SMC4: variants seen among roughly 807,000 people sequenced by gnomAD.
The protein encoded by SMC4 is structural maintenance of chromosomes protein 4.
SMC4 carries 87 observed loss-of-function variants against 145.6 expected under a neutral mutation model. The observed-to-expected ratio is 0.60, with a 90% CI of 0.50 to 0.71. The LOEUF (loss-of-function observed/expected upper bound fraction) is 0.71, where lower values mean the gene tolerates loss of function less well. Ranked by LOEUF, SMC4 falls within the 30% of genes least tolerant of loss-of-function variation. The pLI, the probability that SMC4 is intolerant of heterozygous loss-of-function variation, is 0.00. For synonymous variants in SMC4, 558 were observed against 500.7 expected (o/e 1.11, Z -1.53); for missense variants, 1,447 against 1,537.1 (o/e 0.94, Z 0.98).
chr3:160,421,482 A>G lies in SMC4; in HGVS notation c.2019+581A>G, dbSNP rs1368010565. On this transcript the variant is annotated intron_variant, in intron 13 of 23. Transcript: ENST00000357388. ...CATTTTAGGCCAGGTGCGGTGGCTCATGCCTGTAATCCCAGCACTTTGGGA... is the reference window on the plus strand; with the variant it reads ...CATTTTAGGCCAGGTGCGGTGGCTCGTGCCTGTAATCCCAGCACTTTGGGA... Among the ~76,000 whole-genome samples, 3 of 152,218 alleles carry G rather than the reference A, an allele frequency of 2.0e-5. No homozygotes were observed. The East Asian group carries it at 5.8e-4, about 30-fold the overall frequency.
intron 5 of SMC4, 47 bp from the exon 6 acceptor site, chr3:160,411,873 T>A (rs1716024253): frequency 6.6e-7 from 1 of 1,516,358 alleles, no homozygotes; most frequent in Admixed American, 1.8e-5. Flanking sequence ...TAAGATTGAT[T>A]TAGCTAAACA....
rs138672467 is a variant in SMC4 at position 160,401,995 on chromosome 3, A to G, written c.220A>G (p.Thr74Ala). Residue 74 changes from threonine to alanine, a missense_variant, in exon 3 of 24, where the codon ACC becomes GCC. Coordinates refer to ENST00000357388, the MANE Select transcript of SMC4 (RefSeq NM_001002800.3). ...SIPPPPPPAM[T>A]NEAGAPRLMI... ...TCCTCCTCCCCCGCCTCCAGCAATG[A>G]CCAATGAAGCTGGAGCTCCTCGGCT... is the stretch of plus-strand genomic sequence containing the variant. 1.9e-4 allele frequency: 297 copies of G among 1,605,294 alleles called. 1 individual carries two copies. Among genetic ancestry groups the G allele is most frequent in the South Asian group, 8.1e-4 (72 of 89,428 alleles).
intron 1 of SMC4, chr3:160,400,044 C>G (rs528484677): frequency 6.6e-6 from 1 of 152,518 alleles, no homozygotes; most frequent in East Asian, 1.9e-4. Flanking sequence ...AAGGGCGTCT[C>G]CCCCTACCCC....
chr3:160,430,586 T>C lies in SMC4; in HGVS notation c.2796-13T>C. 1 of 1,548,674 alleles carries C rather than the reference T, an allele frequency of 6.5e-7. No homozygotes were observed. Among genetic ancestry groups the C allele is most frequent in the Non-Finnish European group, 8.7e-7 (1 of 1,150,384 alleles). On this transcript the variant is annotated splice_polypyrimidine_tract_variant and intron_variant, in intron 18 of 23. Coordinates refer to ENST00000357388, the MANE Select transcript of SMC4 (RefSeq NM_001002800.3). ...CCTTACCACATTTTTGATGCATCAT[T>C]TTGCTTCTTTAGAAACCTTCAAAAG...
chr3:160,400,655 C>T (rs1288434606), intron 1 of SMC4, 167 bp from the exon 2 acceptor site: 2 of 810,374 alleles, frequency 2.5e-6, no homozygotes, highest in Middle Eastern at 3.6e-4. Flanking sequence ...GTCCTGCCTT[C>T]TTGCCACTCG....
intron 19 of SMC4, 129 bp downstream of exon 19, chr3:160,430,872 A>T: frequency 8.0e-7 from 1 of 1,247,070 alleles, no homozygotes; most frequent in South Asian, 1.6e-5. Context: ...ATCAATTTTT[A>T]TTTGTACAAT....
Position 160,421,710 on chromosome 3 carries a change from C to G in SMC4, c.2019+809C>G, listed in dbSNP as rs145132815. 6.9e-3 allele frequency among the ~76,000 whole-genome samples: 1,055 copies of G among 152,322 alleles called. 2 individuals are homozygous for G. The highest frequency in any genetic ancestry group is 0.013 in the Non-Finnish European group (858 of 68,022). ...AGTGAACCTAGATTGCGCCACTGCA[C>G]TCCAGTCTGGGTGACAGAGTGAGAC... On this transcript the variant is annotated intron_variant, in intron 13 of 23. Coordinates refer to ENST00000357388, the MANE Select transcript of SMC4 (RefSeq NM_001002800.3).
At chr3:160,400,416 G>C (rs970057289) in intron 1 of SMC4, 2 of 155,736 alleles carry the variant, frequency 1.3e-5, no homozygotes, top group Non-Finnish European at 2.8e-5. Flanking sequence ...TCTCCACGTC[G>C]GTGCGCGCTT....
intron 13 of SMC4, among the ~76,000 whole-genome samples, chr3:160,422,467 G>A (rs1717285370): frequency 6.6e-6 from 1 of 152,146 alleles, no homozygotes; most frequent in Non-Finnish European, 1.5e-5. Flanking sequence ...GTCCTTTCAT[G>A]TCCTTGGCCA....
rs778886718 is a variant in SMC4, at chr3:160,432,378, G to C, written c.3393G>C (p.Arg1131Ser). Residue 1131 changes from arginine (R) to serine (S), a missense_variant, in exon 22 of 24, where the codon AGG (arginine) becomes AGC (serine). Coordinates refer to ENST00000357388, the MANE Select transcript of SMC4 (RefSeq NM_001002800.3). ...CATATGAAGATCTTCGGAAACAAAG[G>C]CTTAATGAATTTATGGCAGGTTTTT... is the stretch of plus-strand genomic sequence containing the variant. ...RQAYEDLRKQ[R>S]LNEFMAGFYI... The C allele has an allele frequency of 1.5e-5, 25 of 1,613,614 alleles. No homozygotes were observed. Among genetic ancestry groups the C allele is most frequent in the Non-Finnish European group, 2.1e-5 (25 of 1,179,726 alleles).
rs778663691 is a variant in SMC4, at chr3:160,417,742, T to C, written c.1457T>C (p.Met486Thr). The C allele has an allele frequency of 2.4e-5, 38 of 1,611,798 alleles. No homozygotes were observed. The highest frequency in any genetic ancestry group is 4.5e-5 in the East Asian group (2 of 44,856). Reference protein sequence around the residue: ...KEKESREKELMGFSKSVNEAR... With the variant: ...KEKESREKELTGFSKSVNEAR... ...TAACAGAGTCGAGAGAAAGAACTTA[T>C]GGGTTTCAGCAAATCGGTAAATGAA... The change falls in exon 11 of 24, where the codon ATG (methionine) becomes ACG (threonine). Residue 486 changes from methionine (M) to threonine (T), a missense_variant. Transcript: ENST00000357388.
chr3:160,408,327 TGTATTTCA>T (rs1462046291), intron 5 of SMC4, among the ~76,000 whole-genome samples: 1 of 152,226 alleles, frequency 6.6e-6, no homozygotes, highest in Non-Finnish European at 1.5e-5. Flanking sequence ...ATTTCTAAGC[TGTATTTCA>T]GTAAATTGAT....
Position 160,426,155 on chromosome 3 carries a change from A to G in SMC4, c.2560A>G (p.Lys854Glu), listed in dbSNP as rs138000709. The change falls in exon 17 of 24, where the codon AAA becomes GAA. Residue 854 changes from lysine to glutamate, a missense_variant. Transcript: ENST00000357388. ...ANVLATAPDK[K>E]KQKLLEENVS... ...TGTACTTGCTACAGCCCCTGACAAA[A>G]AAAAGCAGAAATTGCTAGAAGAAAA... is the stretch of plus-strand genomic sequence containing the variant. 1.2e-3 allele frequency: 2,000 copies of G among 1,611,122 alleles called. 38 individuals are homozygous for G. In the East Asian group the frequency reaches 0.038, roughly 30 times the overall value.
intron 5 of SMC4, among the ~76,000 whole-genome samples, chr3:160,410,780 T>C (rs543291647): frequency 1.3e-5 from 2 of 152,344 alleles, no homozygotes; most frequent in East Asian, 3.9e-4. Flanking sequence ...CTCTCATTAG[T>C]AAGTTTTACC....
chr3:160,402,725 T>C lies in SMC4; in HGVS notation c.368T>C (p.Ile123Thr), dbSNP rs771547168. 4.3e-6 allele frequency: 7 copies of C among 1,611,646 alleles called. No individual in the cohort carries two copies. Among genetic ancestry groups the C allele is most frequent in the Admixed American group, 3.4e-5 (2 of 59,458 alleles). ...AATGGCAGTGGCAAATCCAATGTTA[T>C]TGATTCTATGCTTTTTGTGTTTGGC... ...GPNGSGKSNV[I>T]DSMLFVFGYR... Residue 123 changes from isoleucine to threonine, a missense_variant, in exon 4 of 24, where the codon ATT becomes ACT. By Grantham distance (89) the Ile-to-Thr change is moderately conservative. Transcript: ENST00000357388.
rs551327223 is a variant in SMC4, at chr3:160,430,943, GGA to G, written c.2941-84_2941-83del. ...TTATTTTAAAATGGAAGGGGCATGAGGAGAGATTGGTAATTCCTTCATCTCTG... is the reference window on the plus strand; with the variant it reads ...TTATTTTAAAATGGAAGGGGCATGAGGAGATTGGTAATTCCTTCATCTCTG... On this transcript the variant is annotated intron_variant, in intron 19 of 23. Transcript: ENST00000357388. 202 of 1,339,308 alleles carry G rather than the reference GGA, an allele frequency of 1.5e-4. 1 individual carries two copies. In the South Asian group the frequency reaches 2.6e-3, roughly 17 times the overall value. The allele number at this position is 1,339,308 out of a possible 1,614,324, so 83.0% of individuals were successfully genotyped here. A position where few individuals can be genotyped will look rare whatever the true frequency, so the allele number is the denominator to read the frequency against.
chr3:160,400,876 G>GGCC lies in SMC4; in HGVS notation c.61_63dup (p.Pro21dup). Reference sequence around the variant, plus strand: ...TCCACTGCCCGGCGCAGAGAGGAAGGGCCGCCGCCGCCGTCCCCTGACGGC... The same window carrying GGCC: ...TCCACTGCCCGGCGCAGAGAGGAAGGGCCGCCGCCGCCGCCGTCCCCTGACGGC... On this transcript the variant is annotated inframe_insertion, in exon 2 of 24. Transcript: ENST00000357388. 3.9e-6 allele frequency: 6 copies of GGCC among 1,519,580 alleles called. No homozygotes were observed. Among genetic ancestry groups the GGCC allele is most frequent in the Non-Finnish European group, 5.2e-6 (6 of 1,143,106 alleles). The allele number at this position is 1,519,580 out of a possible 1,614,324, so 94.1% of individuals were successfully genotyped here. A position where few individuals can be genotyped will look rare whatever the true frequency, so the allele number is the denominator to read the frequency against.
chr3:160,410,395 G>A (rs1235444189), intron 5 of SMC4, among the ~76,000 whole-genome samples: 2 of 152,134 alleles, frequency 1.3e-5, no homozygotes, highest in African/African-American at 4.8e-5. Flanking sequence ...GTGACTTAAC[G>A]TTCATCCTGT....
intron 5 of SMC4, among the ~76,000 whole-genome samples, chr3:160,405,676 A>G (rs901844792): frequency 5.3e-5 from 8 of 152,064 alleles, no homozygotes; most frequent in Admixed American, 5.2e-4. Context: ...ACTTCAACCT[A>G]AACTTATTTA....
Sources: gnomAD v4.1 joint callset for allele counts (sites outside exome capture counted in the v4.1 genomes callset) on GRCh38, gnomAD v4.1.1 for gene constraint, MANE v1.5 for transcripts, NCBI Gene and HGNC (gene_info 2026-07-23, HGNC 2026-07-21) for gene names.